Variants in ALK observed in about 807,000 individuals in gnomAD.
ALK encodes the protein ALK tyrosine kinase receptor.
A neutral mutation model predicts 163.1 loss-of-function variants in ALK; 74 were observed. The observed-to-expected ratio is 0.45, with a 90% CI of 0.38 to 0.55. The LOEUF (loss-of-function observed/expected upper bound fraction) is 0.55, where lower values mean the gene tolerates loss of function less well. Ranked by LOEUF, ALK falls within the 20% of genes least tolerant of loss-of-function variation. ALK has a pLI of 0.00. For synonymous variants in ALK, 960 were observed against 843.2 expected, an observed-to-expected ratio of 1.14 and a Z score of -2.40; for missense variants, 2,063 against 2,105.3, an observed-to-expected ratio of 0.98 and a Z score of 0.39.
chr2:29,196,690 T>C (rs2148141482), intron 28 of ALK, 80 bp downstream of exon 28: 1 of 999,662 alleles, frequency 1.0e-6, no homozygotes, highest in South Asian at 1.3e-5. Context: ...TGGCTTGACC[T>C]ATTTCATATT....
chr2:29,462,519 C>T (rs1671108596), intron 4 of ALK, among the ~76,000 whole-genome samples: 2 of 152,094 alleles, frequency 1.3e-5, no homozygotes, highest in East Asian at 1.9e-4. Flanking sequence ...TTCTGACTCA[C>T]CGAAGGCTCA....
intron 1 of ALK, among the ~76,000 whole-genome samples, chr2:29,718,739 G>C (rs1265170520): frequency 4.6e-5 from 7 of 152,208 alleles, no homozygotes; most frequent in Non-Finnish European, 1.0e-4. Flanking sequence ...GATGGAAGCA[G>C]AAACTGAGCC....
intron 3 of ALK, among the ~76,000 whole-genome samples, chr2:29,540,648 C>T (rs1337708888): frequency 6.7e-6 from 1 of 150,092 alleles, no homozygotes; most frequent in South Asian, 2.1e-4. Flanking sequence ...GAGATTCCAG[C>T]CTTGTCCATT....
At chr2:29,583,521 T>C (rs1674786476) in intron 3 of ALK, among the ~76,000 whole-genome samples, 1 of 152,046 alleles carries the variant, frequency 6.6e-6, no homozygotes, top group African/African-American at 2.4e-5. Context: ...TGCATCCTCA[T>C]TCTAATTCCA....
At chr2:29,832,606 C>G (rs1352305784) in intron 1 of ALK, among the ~76,000 whole-genome samples, 1 of 152,206 alleles carries the variant, frequency 6.6e-6, no homozygotes, top group East Asian at 1.9e-4. Flanking sequence ...CTGAACATAG[C>G]TACTTCGAGG....
rs117194459 is a variant in ALK, at chr2:29,367,853, T to C, written c.1282+15879A>G. ...CTATAATTACAAAGTTGAATGCCTA[T>C]GTAAAGTGATTAAATGAATCTCTGA... On this transcript the variant is annotated intron_variant, in intron 5 of 28. Coordinates refer to ENST00000389048, the MANE Select transcript of ALK (RefSeq NM_004304.5). Among the ~76,000 whole-genome samples the C allele has an allele frequency of 8.5e-3, 1,302 of 152,368 alleles. 44 individuals are homozygous for C. The East Asian group carries it at 0.12, about 15-fold the overall frequency.
intron 1 of ALK, among the ~76,000 whole-genome samples, chr2:29,919,443 G>A (rs1432522713): frequency 6.6e-6 from 1 of 151,916 alleles, no homozygotes; most frequent in East Asian, 1.9e-4. Context: ...GGTGGGAGGG[G>A]GAGAATAAAT....
At chr2:29,831,764 G>A (rs1665426896) in intron 1 of ALK, among the ~76,000 whole-genome samples, 1 of 152,090 alleles carries the variant, frequency 6.6e-6, no homozygotes, top group Non-Finnish European at 1.5e-5. Flanking sequence ...CACTCTCTAT[G>A]GGACACACAT....
At chr2:29,482,736 C>A (rs1671691899) in intron 4 of ALK, among the ~76,000 whole-genome samples, 1 of 78,730 alleles carries the variant, frequency 1.3e-5, no homozygotes, top group Non-Finnish European at 2.9e-5. Context: ...AGAGCAAAAA[C>A]AACAATAACA....
intron 3 of ALK, among the ~76,000 whole-genome samples, chr2:29,582,265 G>C (rs546299783): frequency 6.6e-6 from 1 of 152,284 alleles, no homozygotes; most frequent in African/African-American, 2.4e-5. Context: ...TCATAGAGGA[G>C]GAAGATATTT....
At chr2:29,746,183 C>T (rs148075940) in intron 1 of ALK, among the ~76,000 whole-genome samples, 3 of 152,292 alleles carry the variant, frequency 2.0e-5, no homozygotes, top group African/African-American at 7.2e-5. Context: ...AAGGTTCTTA[C>T]TGAGATCTGT....
chr2:29,314,382 C>T (rs1268483635), intron 8 of ALK, among the ~76,000 whole-genome samples: 1 of 152,132 alleles, frequency 6.6e-6, no homozygotes, highest in Non-Finnish European at 1.5e-5. Context: ...CAGCTCCCCA[C>T]AGCTAATCCA....
chr2:29,297,552 T>C (rs911530569), intron 8 of ALK, among the ~76,000 whole-genome samples: 6 of 152,230 alleles, frequency 3.9e-5, no homozygotes, highest in Non-Finnish European at 8.8e-5. Context: ...AATGGTGTCA[T>C]GTCACATGTC....
At chr2:29,515,092 C>T (rs1337219075) in intron 4 of ALK, among the ~76,000 whole-genome samples, 1 of 152,142 alleles carries the variant, frequency 6.6e-6, no homozygotes, top group African/African-American at 2.4e-5. Flanking sequence ...AAAAAATATC[C>T]TACCTCTTTC....
intron 11 of ALK, among the ~76,000 whole-genome samples, chr2:29,272,933 C>A (rs1189633496): frequency 6.6e-6 from 1 of 152,220 alleles, no homozygotes; most frequent in East Asian, 1.9e-4. Context: ...TCTTCCATAC[C>A]ATTTTACTCA....
intron 1 of ALK, among the ~76,000 whole-genome samples, chr2:29,742,428 T>C (rs1235807844): frequency 6.6e-6 from 1 of 152,184 alleles, no homozygotes; most frequent in African/African-American, 2.4e-5. Context: ...CTTGCCTCTG[T>C]TACAGGCTGT....
At chr2:29,341,539 T>C (rs942881632) in intron 5 of ALK, among the ~76,000 whole-genome samples, 5 of 152,192 alleles carry the variant, frequency 3.3e-5, no homozygotes, top group East Asian at 1.9e-4. Flanking sequence ...CGCTTTAGCC[T>C]TCACTGCAGG....
chr2:29,445,438 C>G (rs1387254565), intron 4 of ALK, among the ~76,000 whole-genome samples: 1 of 152,200 alleles, frequency 6.6e-6, no homozygotes, highest in South Asian at 2.1e-4. Context: ...GGCTGGGTAA[C>G]GCTCTTCCAG....
intron 23 of ALK, among the ~76,000 whole-genome samples, chr2:29,218,216 G>T (rs1250913121): frequency 6.6e-6 from 1 of 152,222 alleles, no homozygotes; most frequent in African/African-American, 2.4e-5. Flanking sequence ...CTGGGGTGCT[G>T]CCTGGGTGTG....
Sources: gnomAD v4.1 joint callset for allele counts (sites outside exome capture counted in the v4.1 genomes callset) on GRCh38, gnomAD v4.1.1 for gene constraint, MANE v1.5 for transcripts, NCBI Gene and HGNC (gene_info 2026-07-23, HGNC 2026-07-21) for gene names.